Variants in CAMK2D observed in about 807,000 individuals in gnomAD.
The protein encoded by CAMK2D is calcium/calmodulin dependent protein kinase II delta.
In CAMK2D, 37 loss-of-function variants were observed where a neutral mutation model predicts 84.0. The ratio of observed to expected loss-of-function variants is 0.44; its 90% CI spans 0.34 to 0.58. The LOEUF is 0.58. Ranked by LOEUF, CAMK2D falls within the 20% of genes least tolerant of loss-of-function variation. CAMK2D has a pLI of 0.02. For synonymous variants in CAMK2D, 202 were observed against 212.5 expected, an observed-to-expected ratio of 0.95 and a Z score of 0.43; for missense variants, 448 against 652.5, an observed-to-expected ratio of 0.69 and a Z score of 3.41.
chr4:113,716,673 C>CAAAAAAAAAAAAAAAAAAAAAAAAA (rs2099514630), intron 2 of CAMK2D, among the ~76,000 whole-genome samples: 1 of 110,508 alleles, frequency 9.0e-6, no homozygotes. Context: ...AAAAAAAAGA[C>CAAAAAAAAAAAAAAAAAAAAAAAAA]ATACACACAA....
chr4:113,678,600 T>C (rs2099328286), intron 2 of CAMK2D, among the ~76,000 whole-genome samples: 1 of 152,162 alleles, frequency 6.6e-6, no homozygotes, highest in African/African-American at 2.4e-5. Flanking sequence ...TCATTTGTCA[T>C]CTGTTTATGT....
chr4:113,659,305 G>C (rs2099217310), intron 3 of CAMK2D, among the ~76,000 whole-genome samples: 1 of 152,198 alleles, frequency 6.6e-6, no homozygotes, highest in Admixed American at 6.5e-5. Context: ...CTGAGCAAGA[G>C]AAGTAATCTT....
At chr4:113,481,018 C>G (rs2097695094) in intron 16 of CAMK2D, among the ~76,000 whole-genome samples, 1 of 152,192 alleles carries the variant, frequency 6.6e-6, no homozygotes, top group Non-Finnish European at 1.5e-5. Context: ...TAAATTTCTA[C>G]TATTTATAAA....
intron 2 of CAMK2D, among the ~76,000 whole-genome samples, chr4:113,750,996 G>A (rs1049835931): frequency 6.6e-6 from 1 of 152,076 alleles, no homozygotes; most frequent in African/African-American, 2.4e-5. Context: ...CTAGAGCCTG[G>A]GTAACAGAGA....
At chr4:113,663,619 A>ATAC (rs1381858280) in intron 2 of CAMK2D, among the ~76,000 whole-genome samples, 1 of 149,906 alleles carries the variant, frequency 6.7e-6, no homozygotes, top group Non-Finnish European at 1.5e-5. Context: ...AATAATAATA[A>ATAC]TAAAGTACAT....
At chr4:113,743,970 A>G (rs1053351206) in intron 2 of CAMK2D, among the ~76,000 whole-genome samples, 1 of 152,012 alleles carries the variant, frequency 6.6e-6, no homozygotes, top group Non-Finnish European at 1.5e-5. Context: ...GCTCCTGAGT[A>G]GCTGGGACTA....
intron 3 of CAMK2D, among the ~76,000 whole-genome samples, chr4:113,638,650 C>T (rs374702642): frequency 2.6e-5 from 4 of 152,066 alleles, no homozygotes; most frequent in African/African-American, 4.8e-5. Context: ...GGACCTGTTT[C>T]GGTAATGCGA....
intron 4 of CAMK2D, among the ~76,000 whole-genome samples, chr4:113,574,821 C>A (rs10009286): frequency 0.67 from 102,438 of 152,014 alleles, 34,715 homozygotes; most frequent in Middle Eastern, 0.72. Flanking sequence ...ATATGTGTTC[C>A]AAATGGCTAG....
chr4:113,629,461 G>C (rs528837369), intron 3 of CAMK2D, among the ~76,000 whole-genome samples: 13 of 152,002 alleles, frequency 8.6e-5, no homozygotes, highest in African/African-American at 2.9e-4. Context: ...ATTCCATACA[G>C]TGACTCAATG....
chr4:113,658,099 G>C (rs1409038491), intron 3 of CAMK2D, among the ~76,000 whole-genome samples: 1 of 151,974 alleles, frequency 6.6e-6, no homozygotes, highest in East Asian at 1.9e-4. Flanking sequence ...TTACACCCTG[G>C]GTCAACTACT....
intron 16 of CAMK2D, among the ~76,000 whole-genome samples, chr4:113,485,535 C>T (rs1300199132): frequency 6.6e-6 from 1 of 152,180 alleles, no homozygotes; most frequent in East Asian, 1.9e-4. Context: ...CATGTATCTC[C>T]CTTTAGACAT....
intron 2 of CAMK2D, among the ~76,000 whole-genome samples, chr4:113,747,846 G>A (rs1219792964): frequency 6.6e-6 from 1 of 151,844 alleles, no homozygotes; most frequent in Non-Finnish European, 1.5e-5. Context: ...ATGATTCGTT[G>A]GAAGAAAAAA....
chr4:113,678,516 A>G (rs2099328097), intron 2 of CAMK2D, among the ~76,000 whole-genome samples: 1 of 151,958 alleles, frequency 6.6e-6, no homozygotes, highest in South Asian at 2.1e-4. Flanking sequence ...TAATTGGGGT[A>G]TCAAGTGATA....
At chr4:113,727,121 T>C (rs2099548368) in intron 2 of CAMK2D, among the ~76,000 whole-genome samples, 2 of 152,202 alleles carry the variant, frequency 1.3e-5, no homozygotes, top group Non-Finnish European at 2.9e-5. Flanking sequence ...GCCATGTATG[T>C]AGATTGAAGG....
chr4:113,536,019 T>C (rs2098487358), intron 7 of CAMK2D, among the ~76,000 whole-genome samples: 1 of 152,202 alleles, frequency 6.6e-6, no homozygotes, highest in Admixed American at 6.5e-5. Flanking sequence ...AATATATTCT[T>C]TCTGTGTTAA....
chr4:113,666,312 G>T (rs2099256896), intron 2 of CAMK2D, among the ~76,000 whole-genome samples: 1 of 152,158 alleles, frequency 6.6e-6, no homozygotes, highest in Admixed American at 6.5e-5. Flanking sequence ...TTGGGGGGTT[G>T]GGGGAAGATC....
chr4:113,731,170 A>AAAAAGCAAAGACATGCCACAAAGT (rs2099568033), intron 2 of CAMK2D, among the ~76,000 whole-genome samples: 1 of 152,214 alleles, frequency 6.6e-6, no homozygotes, highest in Non-Finnish European at 1.5e-5. Context: ...AAGCAACACC[A>AAAAAGCAAAGACATGCCACAAAGT]AAAAGCAAAG....
At chr4:113,630,438 A>G (rs1352084879) in intron 3 of CAMK2D, among the ~76,000 whole-genome samples, 3 of 152,168 alleles carry the variant, frequency 2.0e-5, no homozygotes, top group Admixed American at 6.5e-5. Flanking sequence ...ACTTGGGTAT[A>G]CGCCATCAAT....
chr4:113,634,098 A>T (rs2099101044), intron 3 of CAMK2D, among the ~76,000 whole-genome samples: 1 of 152,238 alleles, frequency 6.6e-6, no homozygotes, highest in Non-Finnish European at 1.5e-5. Flanking sequence ...TCTGTAGTAC[A>T]GTCCCACAAA....
Sources: allele counts gnomAD v4.1 joint callset (sites outside exome capture counted in the v4.1 genomes callset), GRCh38; gene constraint gnomAD v4.1.1; transcripts MANE v1.5; gene names NCBI Gene and HGNC (gene_info 2026-07-23, HGNC 2026-07-21).